The following EDC3 variants were observed in gnomAD, a reference collection of about 807,000 sequenced individuals.
EDC3 encodes enhancer of mRNA decapping 3.
In EDC3, 20 loss-of-function variants were observed where a neutral mutation model predicts 41.8. The ratio of observed to expected loss-of-function variants is 0.48; its 90% CI spans 0.34 to 0.70. The LOEUF (loss-of-function observed/expected upper bound fraction) is 0.70. EDC3 is among the 30% of genes least tolerant of loss of function. The probability of loss-of-function intolerance (pLI) is 0.01; values close to 1 mark genes in which losing one functional copy is unlikely to be tolerated. For missense variants in EDC3, 444 were observed against 636.8 expected, an observed-to-expected ratio of 0.70 and a Z score of 3.26; for synonymous variants, 206 against 243.2, an observed-to-expected ratio of 0.85 and a Z score of 1.42.
chr15:74,673,732 C>A (rs1005572323), intron 2 of EDC3, among the ~76,000 whole-genome samples: 1 of 150,792 alleles, frequency 6.6e-6, no homozygotes, highest in Non-Finnish European at 1.5e-5. Flanking sequence ...CCCAGCTACT[C>A]GGGAGGCTGA....
intron 1 of EDC3, among the ~76,000 whole-genome samples, chr15:74,682,410 A>C (rs561602778): frequency 2.8e-4 from 42 of 151,716 alleles, no homozygotes; most frequent in African/African-American, 9.7e-4. Context: ...CAACGTCAGG[A>C]GATCGAGACC....
At chr15:74,666,940 T>C (rs2141639220) in intron 3 of EDC3, among the ~76,000 whole-genome samples, 1 of 152,146 alleles carries the variant, frequency 6.6e-6, no homozygotes, top group Admixed American at 6.5e-5. Context: ...AACAAGTCAA[T>C]GAAGGAAATG....
chr15:74,660,192 A>C (rs1320253588), intron 3 of EDC3, among the ~76,000 whole-genome samples: 2 of 151,576 alleles, frequency 1.3e-5, no homozygotes, highest in Non-Finnish European at 2.9e-5. Flanking sequence ...TGAGCAATAT[A>C]TATATGTATA....
intron 3 of EDC3, among the ~76,000 whole-genome samples, chr15:74,659,148 G>A (rs2062590331): frequency 6.6e-6 from 1 of 152,046 alleles, no homozygotes; most frequent in South Asian, 2.1e-4. Flanking sequence ...ATACAACCAA[G>A]ACATGCTGCT....
Position 74,668,729 on chromosome 15 carries a change from TGAAAGAAA to T in EDC3, c.484+2718_484+2725del, listed in dbSNP as rs10660702. Among the ~76,000 whole-genome samples, 1,087 of 140,350 alleles carry T rather than the reference TGAAAGAAA, an allele frequency of 7.7e-3. 9 individuals are homozygous for T. Among genetic ancestry groups the T allele is most frequent in the Non-Finnish European group, 8.4e-3 (560 of 66,358 alleles). The allele number at this position is 140,350 out of a possible 152,430, so 92.1% of individuals were successfully genotyped here. On this transcript the variant is annotated intron_variant, in intron 3 of 6. Transcript: ENST00000315127. The stretch of plus-strand genomic sequence containing the variant: ...AGCAAGACCCTGTCTCAAAAATGAA[TGAAAGAAA>T]GAAAGAAAGAAAGAAAGAAAGAAAG...
chr15:74,640,966 G>A (rs2062344387), intron 4 of EDC3: 1 of 270,914 alleles, frequency 3.7e-6, no homozygotes, highest in African/African-American at 2.3e-5. Flanking sequence ...CACATGAGAA[G>A]AGAACATGAT....
chr15:74,688,484 G>T (rs983023623), intron 1 of EDC3, among the ~76,000 whole-genome samples: 1 of 152,190 alleles, frequency 6.6e-6, no homozygotes, highest in African/African-American at 2.4e-5. Context: ...AGGCTCCATT[G>T]TGTCCTCCTA....
At chr15:74,636,699 A>G (rs1371747360) in intron 5 of EDC3, 5 of 152,382 alleles carry the variant, frequency 3.3e-5, no homozygotes, top group South Asian at 4.1e-4. Flanking sequence ...GAGGAGCTTC[A>G]TAACTGCCCC....
chr15:74,663,554 T>G (rs1448680055), intron 3 of EDC3, among the ~76,000 whole-genome samples: 9 of 152,128 alleles, frequency 5.9e-5, no homozygotes, highest in African/African-American at 1.9e-4. Context: ...TCAACTGGTA[T>G]GTATTCCAGA....
chr15:74,630,634 G>A lies in EDC3; in HGVS notation c.*1978C>T, dbSNP rs774811833. 2 of 152,302 alleles carry A rather than the reference G, an allele frequency of 1.3e-5. No individual in the cohort carries two copies. The highest frequency in any genetic ancestry group is 2.4e-5 in the African/African-American group (1 of 41,458). The allele number at this position is 152,302 out of a possible 1,614,324, so 9.4% of individuals were successfully genotyped here. A position where few individuals can be genotyped will look rare whatever the true frequency, so the allele number is the denominator to read the frequency against. ...CTGCATGAGTGCTAGGCTTCACCAC[G>A]TGACTGGGGGCCCCTTGGGAACTGG... On this transcript the variant is annotated 3_prime_UTR_variant, in exon 7 of 7. Transcript: ENST00000315127.
intron 4 of EDC3, chr15:74,640,838 G>C (rs751245343): frequency 1.7e-6 from 1 of 578,466 alleles, no homozygotes; most frequent in Non-Finnish European, 3.0e-6. Context: ...TCACCACAGA[G>C]TGGGGACAAA....
At position 74,671,372 on chromosome 15, in the gene EDC3, A is replaced by T; in HGVS notation, c.484+83T>A. 1 of 1,407,168 alleles carries T rather than the reference A, an allele frequency of 7.1e-7. No individual in the cohort carries two copies. Among genetic ancestry groups the T allele is most frequent in the Admixed American group, 2.1e-5 (1 of 46,966 alleles). 87.2% of individuals were successfully genotyped at this position (1,407,168 alleles called of 1,614,324 possible). A position where few individuals can be genotyped will look rare whatever the true frequency, so the allele number is the denominator to read the frequency against. ...ATCCATTTTATTGGAATAACAAAGG[A>T]TTTGTTTAAAGAGCAGCAGTGCTTA... On this transcript the variant is annotated intron_variant, in intron 3 of 6. Transcript: ENST00000315127. The surrounding 1 kb of genome is among the most constrained non-coding windows in gnomAD (Gnocchi z 4.6).
chr15:74,638,787 G>A (rs1180488866), intron 5 of EDC3: 1 of 151,974 alleles, frequency 6.6e-6, no homozygotes, highest in Non-Finnish European at 1.5e-5. Context: ...CCAATCAGAT[G>A]TCCAGGCTAG....
intron 3 of EDC3, 102 bp from the exon 4 acceptor site, chr15:74,656,170 G>A (rs1596313244): frequency 9.0e-7 from 1 of 1,112,156 alleles, no homozygotes; most frequent in South Asian, 1.6e-5. Context: ...AGGAACCAAT[G>A]TGAAAATGGT....
chr15:74,632,969 C>T lies in EDC3; in HGVS notation c.1193-23G>A. ...GATCTGCAGGTGGAAAGAGTGCCAT[C>T]TGAAAGTCCCTATGAGCAGAGAGCA... is the stretch of plus-strand genomic sequence containing the variant. On this transcript the variant is annotated intron_variant, in intron 6 of 6. Transcript: ENST00000315127. The surrounding 1 kb of genome is among the most constrained non-coding windows in gnomAD (Gnocchi z 4.0). 6.2e-7 allele frequency: 1 copy of T among 1,608,922 alleles called. No individual in the cohort carries two copies. Among genetic ancestry groups the T allele is most frequent in the Non-Finnish European group, 8.5e-7 (1 of 1,176,580 alleles).
At chr15:74,673,651 ACGGTG>A in intron 2 of EDC3, among the ~76,000 whole-genome samples, 1 of 152,252 alleles carries the variant, frequency 6.6e-6, no homozygotes, top group South Asian at 2.1e-4. Flanking sequence ...CCTGGCTAAC[ACGGTG>A]AAACCCCGTC....
chr15:74,658,644 A>C (rs988888993), intron 3 of EDC3, among the ~76,000 whole-genome samples: 14 of 150,238 alleles, frequency 9.3e-5, no homozygotes, highest in Admixed American at 2.6e-4. Flanking sequence ...AAAAAAAAAA[A>C]AAAAAAAAAA....
At chr15:74,687,891 T>C (rs542538113) in intron 1 of EDC3, among the ~76,000 whole-genome samples, 1 of 152,222 alleles carries the variant, frequency 6.6e-6, no homozygotes, top group Non-Finnish European at 1.5e-5. Context: ...TAACCAGATA[T>C]GAAAAGGCTT....
intron 3 of EDC3, among the ~76,000 whole-genome samples, chr15:74,663,829 T>C (rs544419134): frequency 6.6e-6 from 1 of 152,204 alleles, no homozygotes; most frequent in African/African-American, 2.4e-5. Flanking sequence ...GTTCACAGCA[T>C]GTTGACAAAG....
Sources: gnomAD v4.1 joint callset for allele counts (sites outside exome capture counted in the v4.1 genomes callset) on GRCh38, gnomAD v4.1.1 for gene constraint, Gnocchi (gnomAD v3.1) non-coding constraint, MANE v1.5 for transcripts, NCBI Gene and HGNC (gene_info 2026-07-23, HGNC 2026-07-21) for gene names.